Variants in RBFOX1 observed in about 807,000 individuals in gnomAD.
RBFOX1 encodes the protein RNA binding fox-1 homolog 1.
A neutral mutation model predicts 57.7 loss-of-function variants in RBFOX1; 8 were observed. The observed-to-expected ratio is 0.14, with a 90% confidence interval of 0.08 to 0.25. The LOEUF (loss-of-function observed/expected upper bound fraction) is 0.25, where lower values mean the gene tolerates loss of function less well. Among genes scored for constraint, RBFOX1 ranks in the 10% least tolerant of loss-of-function variants. RBFOX1 has a pLI of 1.00. For synonymous variants in RBFOX1, 326 were observed against 222.4 expected (o/e 1.47, Z -4.15); for missense variants, 611 against 548.5 (o/e 1.11, Z -1.14).
intron 1 of RBFOX1, among the ~76,000 whole-genome samples, chr16:5,408,608 G>C (rs1411373428): frequency 6.6e-6 from 1 of 152,198 alleles, no homozygotes; most frequent in Non-Finnish European, 1.5e-5. Flanking sequence ...GGCCGTTCTT[G>C]CATTGCCATA....
chr16:6,816,959 G>T (rs1471564518), intron 3 of RBFOX1, among the ~76,000 whole-genome samples: 1 of 151,902 alleles, frequency 6.6e-6, no homozygotes, highest in Non-Finnish European at 1.5e-5. Flanking sequence ...AGTTGCCCAG[G>T]GTGGTCTCAT....
intron 3 of RBFOX1, among the ~76,000 whole-genome samples, chr16:6,682,136 C>G (rs549584486): frequency 1.3e-5 from 2 of 152,148 alleles, no homozygotes; most frequent in Non-Finnish European, 2.9e-5. Flanking sequence ...AGTGCCTGTG[C>G]CTTGAATGTG....
chr16:6,313,965 A>G (rs1050202320), intron 1 of RBFOX1, among the ~76,000 whole-genome samples: 1 of 152,178 alleles, frequency 6.6e-6, no homozygotes, highest in Admixed American at 6.5e-5. Context: ...TTTATAAAAT[A>G]ATCCCCCTAA....
intron 4 of RBFOX1, among the ~76,000 whole-genome samples, chr16:5,867,797 C>T (rs1041077923): frequency 1.3e-5 from 2 of 151,988 alleles, no homozygotes; most frequent in Non-Finnish European, 1.5e-5. Flanking sequence ...CTGCAACCTC[C>T]GCCTCCCGGG....
intron 2 of RBFOX1, among the ~76,000 whole-genome samples, chr16:5,472,347 T>C (rs75420304): frequency 0.025 from 3,786 of 152,120 alleles, 83 homozygotes; most frequent in Middle Eastern, 0.12. Context: ...CCTCCCAACA[T>C]TGTCCCCCCA....
chr16:6,002,914 C>G (rs574575601), intron 4 of RBFOX1, among the ~76,000 whole-genome samples: 1 of 152,278 alleles, frequency 6.6e-6, no homozygotes, highest in East Asian at 1.9e-4. Flanking sequence ...CCATCCTGTT[C>G]TCTGCCCTTC....
rs376300486 is a variant in RBFOX1, at chr16:6,705,817, A to T, written c.-16+51167A>T. Among the ~76,000 whole-genome samples the T allele has an allele frequency of 1.1e-4, 16 of 152,258 alleles. No homozygotes were observed. In the East Asian group the frequency reaches 2.5e-3, roughly 24 times the overall value. The stretch of plus-strand genomic sequence containing the variant: ...CAGATCACTTGAGCTCAGGAGTCCA[A>T]GACCATCCTGGCTAACATGGCAAAA... On this transcript the variant is annotated intron_variant, in intron 3 of 15. Transcript: ENST00000550418.
At chr16:6,913,436 C>G (rs1262734355) in intron 3 of RBFOX1, among the ~76,000 whole-genome samples, 1 of 152,160 alleles carries the variant, frequency 6.6e-6, no homozygotes, top group Non-Finnish European at 1.5e-5. Context: ...TCTTTCCTCT[C>G]ATATCCCCCA....
chr16:6,018,503 A>G (rs1171114625), upstream of RBFOX1, among the ~76,000 whole-genome samples: 2 of 152,114 alleles, frequency 1.3e-5, no homozygotes, highest in East Asian at 1.9e-4. Flanking sequence ...TTCAGCGTCC[A>G]TTGCGGGAGT....
At chr16:6,488,388 A>G (rs2095552701) in intron 2 of RBFOX1, among the ~76,000 whole-genome samples, 1 of 152,220 alleles carries the variant, frequency 6.6e-6, no homozygotes, top group South Asian at 2.1e-4. Flanking sequence ...ACCTGTCAAC[A>G]GAAACAGCAG....
intron 1 of RBFOX1, among the ~76,000 whole-genome samples, chr16:5,291,651 G>T (rs1009210708): frequency 6.6e-6 from 1 of 152,196 alleles, no homozygotes; most frequent in African/African-American, 2.4e-5. Flanking sequence ...TGATTGCTTT[G>T]GTCCCTGTGA....
chr16:6,545,675 C>T (rs1399685927), intron 2 of RBFOX1, among the ~76,000 whole-genome samples: 1 of 152,178 alleles, frequency 6.6e-6, no homozygotes, highest in African/African-American at 2.4e-5. Context: ...CCATGGTGTC[C>T]CCAGAACCCA....
At chr16:7,310,091 G>C (rs918626941) in intron 4 of RBFOX1, among the ~76,000 whole-genome samples, 1 of 152,210 alleles carries the variant, frequency 6.6e-6, no homozygotes, top group Non-Finnish European at 1.5e-5. Context: ...GTCAGATAGG[G>C]TCAGCTCTCA....
intron 2 of RBFOX1, among the ~76,000 whole-genome samples, chr16:6,586,766 A>G (rs572665470): frequency 6.6e-6 from 1 of 152,328 alleles, no homozygotes; most frequent in African/African-American, 2.4e-5. Flanking sequence ...AGTCCCGGCC[A>G]GATCTCAGTT....
chr16:5,714,208 C>G (rs2051602627), intron 3 of RBFOX1, among the ~76,000 whole-genome samples: 1 of 152,190 alleles, frequency 6.6e-6, no homozygotes, highest in Non-Finnish European at 1.5e-5. Flanking sequence ...GCCATGAGGG[C>G]TTGTTGTGCT....
chr16:6,856,872 T>A (rs1202757187), intron 3 of RBFOX1, among the ~76,000 whole-genome samples: 1 of 151,426 alleles, frequency 6.6e-6, no homozygotes, highest in African/African-American at 2.4e-5. Context: ...ATAATAATAA[T>A]TCTGCTGCAA....
chr16:7,154,009 T>A (rs934744842), intron 4 of RBFOX1, among the ~76,000 whole-genome samples: 3 of 152,196 alleles, frequency 2.0e-5, no homozygotes, highest in African/African-American at 7.2e-5. Context: ...TCTCAATTTA[T>A]CCATCATCAT....
chr16:5,600,507 A>G (rs181720248), downstream of RBFOX1, among the ~76,000 whole-genome samples: 26,181 of 143,908 alleles, frequency 0.18, 2,749 homozygotes, highest in Non-Finnish European at 0.22. Context: ...AAAAAAAAAA[A>G]AAGTCTGCTT....
intron 3 of RBFOX1, among the ~76,000 whole-genome samples, chr16:5,856,187 C>CTCTCTCTCTCTATATATATATA (rs1430331422): frequency 6.4e-5 from 2 of 31,068 alleles, no homozygotes; most frequent in African/African-American, 2.8e-4. Flanking sequence ...CTCTCTCTCT[C>CTCTCTCTCTCTATATATATATA]TATATATATA....
Sources: gnomAD v4.1 joint callset for allele counts (sites outside exome capture counted in the v4.1 genomes callset) on GRCh38, gnomAD v4.1.1 for gene constraint, MANE v1.5 for transcripts, NCBI Gene and HGNC (gene_info 2026-07-23, HGNC 2026-07-21) for gene names.